The following MED13L variants were observed in gnomAD, a reference collection of about 807,000 sequenced individuals.
MED13L encodes the protein mediator of RNA polymerase II transcription subunit 13-like.
Under a neutral mutation model 220.9 loss-of-function variants are expected in MED13L, and 7 were observed. That is an observed-to-expected ratio of 0.03 (90% CI 0.02 to 0.06). The LOEUF is 0.06. Among genes scored for constraint, MED13L ranks in the 10% least tolerant of loss-of-function variants. The pLI is 1.00. For missense variants in MED13L, 1,965 were observed against 2,760.5 expected (o/e 0.71, Z 6.46); for synonymous variants, 1,011 against 1,015.2 (o/e 1.00, Z 0.08).
chr12:116,211,899 T>C (rs933178857), intron 2 of MED13L, among the ~76,000 whole-genome samples: 1 of 152,220 alleles, frequency 6.6e-6, no homozygotes, highest in African/African-American at 2.4e-5. Context: ...TTGTGACATA[T>C]TACTAAGGCT....
intron 2 of MED13L, among the ~76,000 whole-genome samples, chr12:116,169,939 C>T (rs1053174050): frequency 8.5e-5 from 13 of 152,294 alleles, no homozygotes; most frequent in African/African-American, 1.2e-4. Flanking sequence ...ATTGCTTGAG[C>T]CCAGTAGTTC....
In MED13L at chr12:115,960,759, G is replaced by A. The variant is rs961697843; in HGVS notation, c.*507C>T. The A allele has an allele frequency of 1.0e-5, 2 of 193,978 alleles. No homozygotes were observed. Among genetic ancestry groups the A allele is most frequent in the African/African-American group, 4.6e-5 (2 of 43,326 alleles). 12.0% of individuals were successfully genotyped at this position (193,978 alleles called of 1,614,324 possible). On this transcript the variant is annotated 3_prime_UTR_variant, in exon 31 of 31. Transcript: ENST00000281928. ...ATGCTAATCTGGATGGGAACACTAG[G>A]GAGACAGAAACCCCAGTATGAAACC...
At chr12:116,031,185 TA>T (rs1303738214) in intron 4 of MED13L, among the ~76,000 whole-genome samples, 3 of 152,022 alleles carry the variant, frequency 2.0e-5, no homozygotes, top group Non-Finnish European at 4.4e-5. Flanking sequence ...GAATCCCTTT[TA>T]AAAAATGGAG....
intron 2 of MED13L, among the ~76,000 whole-genome samples, chr12:116,138,954 T>A (rs1461822095): frequency 6.6e-6 from 1 of 152,190 alleles, no homozygotes; most frequent in African/African-American, 2.4e-5. Context: ...AAATTCAGGG[T>A]GATTCACACA....
chr12:116,037,954 C>T (rs1440986934), intron 4 of MED13L, among the ~76,000 whole-genome samples: 2 of 152,108 alleles, frequency 1.3e-5, no homozygotes, highest in African/African-American at 4.8e-5. Flanking sequence ...CAGAAGCCAA[C>T]ATACGTAAGA....
At position 116,124,119 on chromosome 12, in the gene MED13L, A is replaced by AGAGAGAGAGAGAGAGAGAGAGAGAG. The variant is rs1875335485; in HGVS notation, c.311-12608_311-12607insCTCTCTCTCTCTCTCTCTCTCTCTC. On this transcript the variant is annotated intron_variant, in intron 2 of 30. Coordinates refer to ENST00000281928, the MANE Select transcript of MED13L (RefSeq NM_015335.5). ...AATAACATCTGCAGAGAGAGAGAGAAAGACGAGAGAGAGAGAGAGAGAGAG... is the reference window on the plus strand; with the variant it reads ...AATAACATCTGCAGAGAGAGAGAGAAGAGAGAGAGAGAGAGAGAGAGAGAGAGACGAGAGAGAGAGAGAGAGAGAG... Among the ~76,000 whole-genome samples the AGAGAGAGAGAGAGAGAGAGAGAGAG allele has an allele frequency of 3.0e-5, 3 of 100,498 alleles. No individual in the cohort carries two copies. The South Asian group carries it at 1.2e-3, about 41-fold the overall frequency. The allele number at this position is 100,498 out of a possible 152,430, so 65.9% of individuals were successfully genotyped here.
intron 4 of MED13L, among the ~76,000 whole-genome samples, chr12:116,077,499 G>A (rs1391027380): frequency 6.6e-6 from 1 of 152,064 alleles, no homozygotes; most frequent in East Asian, 1.9e-4. Flanking sequence ...GCATATACTT[G>A]GACTGAATGT....
chr12:116,000,381 G>A (rs555283975), intron 14 of MED13L, among the ~76,000 whole-genome samples: 1 of 152,288 alleles, frequency 6.6e-6, no homozygotes, highest in East Asian at 1.9e-4. Flanking sequence ...TGCCCACAGC[G>A]CTCTGCTTAC....
At chr12:116,004,022 T>C (rs1462238023) in intron 13 of MED13L, among the ~76,000 whole-genome samples, 1 of 152,240 alleles carries the variant, frequency 6.6e-6, no homozygotes, top group African/African-American at 2.4e-5. Flanking sequence ...TAAAAGTATA[T>C]TCCCAACAGT....
At chr12:116,097,961 T>A (rs1029969814) in intron 3 of MED13L, among the ~76,000 whole-genome samples, 4 of 152,078 alleles carry the variant, frequency 2.6e-5, no homozygotes, top group African/African-American at 9.7e-5. Context: ...AACATAAAAA[T>A]GAGGCTGGGT....
intron 4 of MED13L, among the ~76,000 whole-genome samples, chr12:116,051,851 T>A (rs1868534026): frequency 6.6e-6 from 1 of 152,116 alleles, no homozygotes; most frequent in Admixed American, 6.6e-5. Context: ...TATTTCAGAT[T>A]TTGGACTGAA....
At chr12:116,246,029 G>A (rs1341554531) in intron 1 of MED13L, among the ~76,000 whole-genome samples, 2 of 152,070 alleles carry the variant, frequency 1.3e-5, no homozygotes. Context: ...ATAATAAAAA[G>A]AGGTCACATA....
intron 1 of MED13L, among the ~76,000 whole-genome samples, chr12:116,273,840 T>A (rs991837278): frequency 6.6e-6 from 1 of 152,204 alleles, no homozygotes; most frequent in African/African-American, 2.4e-5. Context: ...ATTAACTCAA[T>A]AGAGAAAAAT....
chr12:115,973,171 A>G (rs1320676754), intron 25 of MED13L, among the ~76,000 whole-genome samples: 1 of 152,194 alleles, frequency 6.6e-6, no homozygotes, highest in Non-Finnish European at 1.5e-5. Flanking sequence ...TTGTTTTAAA[A>G]CTATGGGAAA....
chr12:116,057,411 G>T (rs115624024), intron 4 of MED13L, among the ~76,000 whole-genome samples: 2 of 152,014 alleles, frequency 1.3e-5, no homozygotes, highest in Admixed American at 6.6e-5. Flanking sequence ...TTCTTCAGGG[G>T]TAGAACTAAT....
intron 29 of MED13L, 44 bp downstream of exon 29, chr12:115,966,038 A>T (rs916408464): frequency 1.9e-6 from 3 of 1,602,158 alleles, no homozygotes; most frequent in Admixed American, 1.7e-5. Flanking sequence ...TTTAAGCGTA[A>T]ATCACTCATT....
chr12:116,121,885 C>A (rs1875127478), intron 2 of MED13L, among the ~76,000 whole-genome samples: 1 of 152,116 alleles, frequency 6.6e-6, no homozygotes, highest in Non-Finnish European at 1.5e-5. Flanking sequence ...GATGGCACTT[C>A]TTATTCAGCC....
At chr12:116,123,245 A>ATTTATTTCAAACATCATG (rs1329350155) in intron 2 of MED13L, among the ~76,000 whole-genome samples, 3 of 152,168 alleles carry the variant, frequency 2.0e-5, no homozygotes, top group African/African-American at 7.2e-5. Flanking sequence ...CTTACATCAT[A>ATTTATTTCAAACATCATG]TTTGAAATAA....
chr12:116,135,043 C>T (rs1343656217), intron 2 of MED13L, among the ~76,000 whole-genome samples: 2 of 152,136 alleles, frequency 1.3e-5, no homozygotes, highest in East Asian at 1.9e-4. Context: ...GTGGCATGTG[C>T]TTGTAGCCCC....
Sources: allele counts gnomAD v4.1 joint callset (sites outside exome capture counted in the v4.1 genomes callset), GRCh38; gene constraint gnomAD v4.1.1; transcripts MANE v1.5; gene names NCBI Gene and HGNC (gene_info 2026-07-23, HGNC 2026-07-21).